The following PPP2R3B variants were observed in gnomAD, a reference collection of about 807,000 sequenced individuals.
PPP2R3B encodes serine/threonine-protein phosphatase 2A regulatory subunit B'' subunit beta.
In PPP2R3B, 68 loss-of-function variants were observed where a neutral mutation model predicts 72.9. The observed-to-expected ratio is 0.93, with a 90% CI of 0.77 to 1.14. The LOEUF (loss-of-function observed/expected upper bound fraction) is 1.14. PPP2R3B is among the 50% of genes most tolerant of loss of function. The pLI is 0.00. For missense variants in PPP2R3B, 1,018 were observed against 842.0 expected, an observed-to-expected ratio of 1.21 and a Z score of -2.59; for synonymous variants, 466 against 375.8, an observed-to-expected ratio of 1.24 and a Z score of -2.78.
rs772929505 is a variant in PPP2R3B at position 334,444 on chromosome X, A to C, written c.1651T>G (p.Phe551Val). ...LRSPLAQRPF[F>V]EAPSPLGAVD... The stretch of plus-strand genomic sequence containing the variant: ...GCGCCCAGCGGTGAGGGCGCCTCGA[A>C]GAAGGGCCTCTGGGCCAGCGGGGAG... Residue 551 changes from phenylalanine to valine, a missense_variant, in exon 13 of 13, where the codon TTC (phenylalanine) becomes GTC (valine). By Grantham distance (50) the Phe-to-Val change is conservative. Transcript: ENST00000390665. 9 of 1,595,706 alleles carry C rather than the reference A, an allele frequency of 5.6e-6. No individual in the cohort carries two copies. The highest frequency in any genetic ancestry group is 7.7e-6 in the Non-Finnish European group (9 of 1,176,164).
intron 1 of PPP2R3B, among the ~76,000 whole-genome samples, chrX:379,283 GTGTA>G (rs1429441937): frequency 3.3e-5 from 5 of 150,074 alleles, no homozygotes; most frequent in African/African-American, 9.9e-5. Context: ...ATGCACCTGT[GTGTA>G]TGTATCTGTG....
At position 347,628 on chromosome X, in the gene PPP2R3B, G is replaced by T; in HGVS notation, c.576C>A (p.Gly192=). 1 of 1,577,498 alleles carries T rather than the reference G, an allele frequency of 6.3e-7. No individual in the cohort carries two copies. The highest frequency in any genetic ancestry group is 8.6e-7 in the Non-Finnish European group (1 of 1,161,212). ...LFYGAGGERT[G]SVSVHKFVAM... The stretch of plus-strand genomic sequence containing the variant: ...CGACGAACTTGTGGACGGACACGGA[G>T]CCCGTGCGCTCCCCGCCGGCGCCAT... Residue 192 remains glycine, a synonymous_variant, in exon 3 of 13, where the codon GGC becomes GGA. Coordinates refer to ENST00000390665, the MANE Select transcript of PPP2R3B (RefSeq NM_013239.5).
chrX:367,489 C>T (rs2071746735), intron 1 of PPP2R3B, among the ~76,000 whole-genome samples: 1 of 151,922 alleles, frequency 6.6e-6, no homozygotes, highest in Admixed American at 6.6e-5. Context: ...TCTTGAACTC[C>T]TGGCCTCCAG....
At chrX:370,619 C>T (rs1189072056) in intron 1 of PPP2R3B, among the ~76,000 whole-genome samples, 9 of 152,200 alleles carry the variant, frequency 5.9e-5, no homozygotes, top group African/African-American at 2.2e-4. Context: ...CTTCTGTTTC[C>T]CGTTAACCCC....
intron 1 of PPP2R3B, among the ~76,000 whole-genome samples, chrX:386,045 G>A (rs1490114693): frequency 1.3e-5 from 2 of 152,166 alleles, no homozygotes; most frequent in Non-Finnish European, 2.9e-5. Flanking sequence ...TCGCGCCATC[G>A]TACTCCAGCC....
In PPP2R3B at chrX:347,470, C is replaced by A. The variant is rs772510116; in HGVS notation, c.614+120G>T. 3.9e-5 allele frequency: 53 copies of A among 1,345,388 alleles called. No individual in the cohort carries two copies. The African/African-American group carries it at 4.9e-4, about 12-fold the overall frequency. The allele number at this position is 1,345,388 out of a possible 1,614,324, so 83.3% of individuals were successfully genotyped here. A position where few individuals can be genotyped will look rare whatever the true frequency, so the allele number is the denominator to read the frequency against. ...GCCACACACGACGGCCAGGCCTGTG[C>A]CCGTACAAGGGTTTCTCCTCTCACT... is the stretch of plus-strand genomic sequence containing the variant. On this transcript the variant is annotated intron_variant, in intron 3 of 12. Coordinates refer to ENST00000390665, the MANE Select transcript of PPP2R3B (RefSeq NM_013239.5).
Position 341,398 on chromosome X carries a change from T to A in PPP2R3B, c.1086-2A>T. 2.5e-6 allele frequency: 4 copies of A among 1,612,542 alleles called. No homozygotes were observed. The highest frequency in any genetic ancestry group is 3.4e-6 in the Non-Finnish European group (4 of 1,179,650). On this transcript the variant is annotated splice_acceptor_variant, in intron 8 of 12. Coordinates refer to ENST00000390665, the MANE Select transcript of PPP2R3B (RefSeq NM_013239.5). LOFTEE classifies it high-confidence loss of function. ...CCTTCCTTCTGCACTTTTCTGCCTC[T>A]AGATCGAAAGCCAGGATGGAGAGAC...
At chrX:369,221 A>C (rs1310396060) in intron 1 of PPP2R3B, among the ~76,000 whole-genome samples, 1 of 152,222 alleles carries the variant, frequency 6.6e-6, no homozygotes, top group African/African-American at 2.4e-5. Flanking sequence ...GTGGAAGAAG[A>C]ATTCTAAAGC....
intron 8 of PPP2R3B, 122 bp from the exon 9 acceptor site, chrX:341,518 C>CCCTCCTGCCCCCCTCCTGCCCCT: frequency 3.1e-6 from 3 of 954,830 alleles, no homozygotes; most frequent in East Asian, 2.5e-5. Context: ...CCTCCTGCCC[C>CCCTCCTGCCCCCCTCCTGCCCCT]CCTCCTGCCC....
intron 7 of PPP2R3B, among the ~76,000 whole-genome samples, chrX:344,598 G>C (rs1452533080): frequency 2.6e-5 from 4 of 152,262 alleles, no homozygotes; most frequent in Non-Finnish European, 2.9e-5. Context: ...GACAGTGAGC[G>C]CCTGGTTCTG....
intron 1 of PPP2R3B, among the ~76,000 whole-genome samples, chrX:364,296 G>A (rs747885685): frequency 6.6e-6 from 1 of 152,066 alleles, no homozygotes; most frequent in Non-Finnish European, 1.5e-5. Flanking sequence ...GGGCAGGGGG[G>A]AGTTCTCCCC....
intron 2 of PPP2R3B, among the ~76,000 whole-genome samples, chrX:352,863 C>G: frequency 6.6e-6 from 1 of 150,962 alleles, no homozygotes; most frequent in Admixed American, 6.7e-5. Context: ...CGCTGCCAAG[C>G]TATGTGAGCG....
intron 3 of PPP2R3B, 109 bp from the exon 4 acceptor site, chrX:347,445 G>T: frequency 7.4e-7 from 1 of 1,351,596 alleles, no homozygotes; most frequent in Non-Finnish European, 1.1e-6. Flanking sequence ...GTGGCAGGTG[G>T]CCACACACGA....
At chrX:356,319 G>A (rs778601365) in intron 2 of PPP2R3B, among the ~76,000 whole-genome samples, 1 of 152,284 alleles carries the variant, frequency 6.6e-6, no homozygotes, top group South Asian at 2.1e-4. Flanking sequence ...AGGTTCAAGC[G>A]ATTTTCCTGT....
At chrX:356,077 G>A (rs1235737262) in intron 2 of PPP2R3B, among the ~76,000 whole-genome samples, 1 of 152,212 alleles carries the variant, frequency 6.6e-6, no homozygotes, top group Non-Finnish European at 1.5e-5. Context: ...TCAGGGAAAT[G>A]AGGAGTGCAG....
chrX:384,578 G>C (rs1169490842), intron 1 of PPP2R3B, among the ~76,000 whole-genome samples: 3 of 152,024 alleles, frequency 2.0e-5, no homozygotes, highest in Non-Finnish European at 2.9e-5. Flanking sequence ...ACAGGCGTGA[G>C]TCACCATGCC....
chrX:338,149 G>A, intron 12 of PPP2R3B: 1 of 241,940 alleles, frequency 4.1e-6, no homozygotes, highest in Non-Finnish European at 8.1e-6. Context: ...GTATGCTGAA[G>A]ACACGAAGAA....
chrX:346,400 A>C, intron 5 of PPP2R3B, 140 bp from the exon 6 acceptor site: 1 of 835,682 alleles, frequency 1.2e-6, no homozygotes, highest in South Asian at 1.7e-5. Flanking sequence ...GGGCAGAGGG[A>C]AGGGCCCTGC....
intron 2 of PPP2R3B, among the ~76,000 whole-genome samples, chrX:351,150 C>G (rs926665193): frequency 2.6e-5 from 4 of 152,108 alleles, no homozygotes; most frequent in African/African-American, 9.7e-5. Context: ...GGCCGGGCCC[C>G]GCAGGACGCA....
Sources: allele counts gnomAD v4.1 joint callset (sites outside exome capture counted in the v4.1 genomes callset), GRCh38; gene constraint gnomAD v4.1.1; transcripts MANE v1.5; gene names NCBI Gene and HGNC (gene_info 2026-07-23, HGNC 2026-07-21).